TUSC3: variants seen among roughly 807,000 people sequenced by gnomAD.
TUSC3 encodes tumor suppressor candidate 3.
Under a neutral mutation model 44.8 loss-of-function variants are expected in TUSC3, and 45 were observed. The ratio of observed to expected loss-of-function variants is 1.00; its 90% CI spans 0.79 to 1.29. The LOEUF is 1.29. Ranked by LOEUF, TUSC3 falls within the 50% of genes most tolerant of loss-of-function variation. TUSC3 has a pLI of 0.00. For missense variants in TUSC3, 519 were observed against 437.9 expected, an observed-to-expected ratio of 1.19 and a Z score of -1.65; for synonymous variants, 212 against 152.9, an observed-to-expected ratio of 1.39 and a Z score of -2.85.
chr8:15,538,141 C>G (rs902015488), upstream of TUSC3, among the ~76,000 whole-genome samples: 6 of 152,184 alleles, frequency 3.9e-5, no homozygotes, highest in African/African-American at 7.2e-5. Flanking sequence ...TCCCATCAGA[C>G]CACAGCCATA....
At chr8:15,576,691 T>G (rs1482976887) in intron 1 of TUSC3, among the ~76,000 whole-genome samples, 2 of 136,258 alleles carry the variant, frequency 1.5e-5, no homozygotes, top group Non-Finnish European at 3.1e-5. Flanking sequence ...TGTGCCACAT[T>G]TTCTTAATCC....
intron 1 of TUSC3, among the ~76,000 whole-genome samples, chr8:15,431,936 A>G (rs187284555): frequency 6.6e-6 from 1 of 151,852 alleles, no homozygotes; most frequent in Non-Finnish European, 1.5e-5. Flanking sequence ...ACATTTATTT[A>G]TGTTGCACTA....
At chr8:15,839,076 C>A in the TUSC3 span, among the ~76,000 whole-genome samples, 1 of 152,088 alleles carries the variant, frequency 6.6e-6, no homozygotes, top group Non-Finnish European at 1.5e-5. Flanking sequence ...TCCTTCACAT[C>A]CCTTGTAAGT....
intron 2 of TUSC3, among the ~76,000 whole-genome samples, chr8:15,518,004 A>T (rs910338971): frequency 6.6e-6 from 1 of 151,630 alleles, no homozygotes; most frequent in African/African-American, 2.4e-5. Context: ...CCCCATACAC[A>T]TTCGCACCTG....
chr8:15,728,923 G>T (rs184711201), intron 6 of TUSC3, among the ~76,000 whole-genome samples: 1 of 152,104 alleles, frequency 6.6e-6, no homozygotes, highest in Non-Finnish European at 1.5e-5. Context: ...TAAAGAGAAT[G>T]AGTGGTCAGA....
At chr8:15,509,779 C>G (rs1365700632) in intron 2 of TUSC3, among the ~76,000 whole-genome samples, 2 of 152,128 alleles carry the variant, frequency 1.3e-5, no homozygotes, top group East Asian at 3.9e-4. Context: ...ATTAACTGGC[C>G]TAATACAATA....
chr8:15,703,916 T>C (rs1039738321), intron 6 of TUSC3, among the ~76,000 whole-genome samples: 1 of 152,182 alleles, frequency 6.6e-6, no homozygotes, highest in Middle Eastern at 3.4e-3. Flanking sequence ...GTTTACAGAG[T>C]GTCTGCTCTA....
chr8:15,477,005 G>A (rs1404387408), intron 1 of TUSC3, among the ~76,000 whole-genome samples: 1 of 152,222 alleles, frequency 6.6e-6, no homozygotes, highest in African/African-American at 2.4e-5. Context: ...TGCAATCAAT[G>A]TGATTGGTTG....
At position 15,730,716 on chromosome 8, in the gene TUSC3, T is replaced by C. The variant is rs1053764668; in HGVS notation, c.849T>C (p.Ile283=). ...CTCAGTTTGTGGCAGAATCACACAT[T>C]ATTCTGGTACTGAGTATCCTTTTAA... is the stretch of plus-strand genomic sequence containing the variant. ...SQAQFVAESH[I]ILVLNAAITM... is the part of the protein sequence containing the mutation. Residue 283 remains isoleucine (I), a synonymous_variant, in exon 7 of 11, where the codon ATT becomes ATC. Coordinates refer to ENST00000503731, the MANE Select transcript of TUSC3 (RefSeq NM_006765.4). 6.2e-7 allele frequency: 1 copy of C among 1,613,140 alleles called. No homozygotes were observed. Among genetic ancestry groups the C allele is most frequent in the Admixed American group, 1.7e-5 (1 of 59,950 alleles).
the TUSC3 span, among the ~76,000 whole-genome samples, chr8:15,774,410 T>C: frequency 6.6e-6 from 1 of 152,066 alleles, no homozygotes; most frequent in South Asian, 2.1e-4. Context: ...TATGGACAGA[T>C]ACAGGGAGAA....
In TUSC3 at chr8:15,675,796, T is replaced by A. The variant is rs1038783303; in HGVS notation, c.798+1960T>A. Among the ~76,000 whole-genome samples, 3 of 152,296 alleles carry A rather than the reference T, an allele frequency of 2.0e-5. No individual in the cohort carries two copies. In the South Asian group the frequency reaches 6.2e-4, roughly 32 times the overall value. On this transcript the variant is annotated intron_variant, in intron 6 of 10. Coordinates refer to ENST00000503731, the MANE Select transcript of TUSC3 (RefSeq NM_006765.4). ...ATTCTTTTTTATGGCTGTATAGTAT[T>A]CCCTGTTGTATATGTACCACATTTT...
At chr8:15,745,921 C>T (rs761255985) in intron 8 of TUSC3, among the ~76,000 whole-genome samples, 1 of 151,970 alleles carries the variant, frequency 6.6e-6, no homozygotes, top group African/African-American at 2.4e-5. Context: ...TTAGGTGTTA[C>T]ATTTACTTTT....
At chr8:15,598,492 A>G (rs1012442734) in intron 1 of TUSC3, among the ~76,000 whole-genome samples, 3 of 151,844 alleles carry the variant, frequency 2.0e-5, no homozygotes, top group African/African-American at 7.2e-5. Flanking sequence ...TGTACTTTGT[A>G]TTAGGGTTCA....
chr8:15,425,876 T>G (rs1321478501), intron 1 of TUSC3, among the ~76,000 whole-genome samples: 1 of 152,090 alleles, frequency 6.6e-6, no homozygotes, highest in African/African-American at 2.4e-5. Context: ...ATAGGACAAG[T>G]GTGGTAGCTC....
intron 2 of TUSC3, among the ~76,000 whole-genome samples, chr8:15,525,991 A>G (rs1353101336): frequency 2.0e-5 from 3 of 152,088 alleles, no homozygotes; most frequent in Non-Finnish European, 4.4e-5. Flanking sequence ...GTTTTCAAGC[A>G]GGTGGTAGTA....
intron 1 of TUSC3, among the ~76,000 whole-genome samples, chr8:15,558,930 T>TC: frequency 1.3e-5 from 2 of 151,544 alleles, no homozygotes; most frequent in African/African-American, 4.8e-5. Context: ...TCTATCAATC[T>TC]TGTTGGTCCT....
chr8:15,776,773 A>T, the TUSC3 span, among the ~76,000 whole-genome samples: 3 of 152,146 alleles, frequency 2.0e-5, no homozygotes, highest in South Asian at 6.2e-4. Context: ...CTTTTAAGGC[A>T]TTCTTCAGAT....
In TUSC3 at chr8:15,735,093, C is replaced by T. The variant is rs568980556; in HGVS notation, c.862+4364C>T. On this transcript the variant is annotated intron_variant, in intron 7 of 10. Coordinates refer to ENST00000503731, the MANE Select transcript of TUSC3 (RefSeq NM_006765.4). ...TTGGCTGTGGAAAGGGAAATAGTAG[C>T]GTCATGCCTGTTTAGGGAACAGAAA... Among the ~76,000 whole-genome samples the T allele has an allele frequency of 3.9e-5, 6 of 152,214 alleles. No homozygotes were observed. The East Asian group carries it at 9.7e-4, about 25-fold the overall frequency.
intron 2 of TUSC3, among the ~76,000 whole-genome samples, chr8:15,519,011 G>A (rs1801258042): frequency 6.6e-6 from 1 of 152,078 alleles, no homozygotes; most frequent in South Asian, 2.1e-4. Context: ...ACATGAAATA[G>A]CATCTGCTTA....
Sources: gnomAD v4.1 joint callset for allele counts (sites outside exome capture counted in the v4.1 genomes callset) on GRCh38, gnomAD v4.1.1 for gene constraint, MANE v1.5 for transcripts, NCBI Gene and HGNC (gene_info 2026-07-23, HGNC 2026-07-21) for gene names.